EIF2AK1: variants seen among roughly 807,000 people sequenced by gnomAD.
EIF2AK1 encodes the protein eukaryotic translation initiation factor 2-alpha kinase 1.
Under a neutral mutation model 77.9 loss-of-function variants are expected in EIF2AK1, and 54 were observed. The ratio of observed to expected loss-of-function variants is 0.69; its 90% CI spans 0.56 to 0.87. The LOEUF (loss-of-function observed/expected upper bound fraction) is 0.87, where lower values mean the gene tolerates loss of function less well. Ranked by LOEUF, EIF2AK1 falls within the 40% of genes least tolerant of loss-of-function variation. EIF2AK1 has a pLI of 0.00. For synonymous variants in EIF2AK1, 314 were observed against 290.5 expected (o/e 1.08, Z -0.82); for missense variants, 810 against 768.6 (o/e 1.05, Z -0.64).
In EIF2AK1 at chr7:6,024,015, G is replaced by C; in HGVS notation, c.*658C>G. 7.5e-7 allele frequency: 1 copy of C among 1,329,222 alleles called. No individual in the cohort carries two copies. The highest frequency in any genetic ancestry group is 9.8e-7 in the Non-Finnish European group (1 of 1,016,112). 82.3% of individuals were successfully genotyped at this position (1,329,222 alleles called of 1,614,324 possible). On this transcript the variant is annotated 3_prime_UTR_variant, in exon 15 of 15. Coordinates refer to ENST00000199389, the MANE Select transcript of EIF2AK1 (RefSeq NM_014413.4). The stretch of plus-strand genomic sequence containing the variant: ...ATAAAGGAGGAAGTACCGGGGAACA[G>C]TGCAGGGCAAAGGCAGGAAAGAGAT...
At chr7:6,058,873 G>A (rs770839535) in intron 1 of EIF2AK1, 93 bp downstream of exon 1, 47 of 1,178,470 alleles carry the variant, frequency 4.0e-5, no homozygotes, top group Non-Finnish European at 5.0e-5. Flanking sequence ...AAGTCGCCCA[G>A]GTCCTCAGGC....
intron 2 of EIF2AK1, among the ~76,000 whole-genome samples, chr7:6,050,967 C>G (rs1386276270): frequency 1.3e-5 from 2 of 151,976 alleles, no homozygotes; most frequent in Non-Finnish European, 2.9e-5. Flanking sequence ...AAGTACTAAG[C>G]CATTTCTAAA....
intron 2 of EIF2AK1, among the ~76,000 whole-genome samples, chr7:6,051,216 C>T (rs1788599373): frequency 1.3e-5 from 2 of 151,948 alleles, no homozygotes; most frequent in Non-Finnish European, 2.9e-5. Context: ...ACAAAGGTGC[C>T]TTGGCTCCTA....
chr7:6,045,684 T>C (rs1057339178), intron 6 of EIF2AK1, among the ~76,000 whole-genome samples: 2 of 150,356 alleles, frequency 1.3e-5, no homozygotes, highest in Non-Finnish European at 3.0e-5. Flanking sequence ...CATAACTAGC[T>C]ATATTATATA....
At chr7:6,056,613 A>AAAAAAAAAAAATATATATATATAT in intron 1 of EIF2AK1, among the ~76,000 whole-genome samples, 4 of 43,712 alleles carry the variant, frequency 9.2e-5, no homozygotes, top group African/African-American at 1.6e-4. Flanking sequence ...AAAAAAAAAA[A>AAAAAAAAAAAATATATATATATAT]ATATATATAT....
chr7:6,042,567 C>G (rs1474504907), intron 8 of EIF2AK1, among the ~76,000 whole-genome samples: 1 of 151,724 alleles, frequency 6.6e-6, no homozygotes, highest in Non-Finnish European at 1.5e-5. Context: ...TAGCAAAAGA[C>G]AAAGATAGCC....
intron 1 of EIF2AK1, among the ~76,000 whole-genome samples, chr7:6,056,628 A>ATATATATATATATATATATATG (rs749747260): frequency 0.012 from 877 of 75,072 alleles, 21 homozygotes; most frequent in Middle Eastern, 0.03. Context: ...ATATATATAT[A>ATATATATATATATATATATATG]TATATATAAA....
In EIF2AK1 at chr7:6,032,912, G is replaced by C; in HGVS notation, c.1333-3880C>G. ...GCCCAGAGTCTGCTCTGCCTGTTACGGCACGGTGCTGACCCAGAAGTCAGG... is the reference window on the plus strand; with the variant it reads ...GCCCAGAGTCTGCTCTGCCTGTTACCGCACGGTGCTGACCCAGAAGTCAGG... On this transcript the variant is annotated intron_variant, in intron 11 of 14. Coordinates refer to ENST00000199389, the MANE Select transcript of EIF2AK1 (RefSeq NM_014413.4). The surrounding 1 kb of genome is among the most constrained non-coding windows in gnomAD (Gnocchi z 4.3). 2 of 1,550,796 alleles carry C rather than the reference G, an allele frequency of 1.3e-6. No homozygotes were observed. The highest frequency in any genetic ancestry group is 8.7e-7 in the Non-Finnish European group (1 of 1,146,926).
intron 6 of EIF2AK1, 42 bp from the exon 7 acceptor site, chr7:6,044,703 T>A: frequency 6.4e-7 from 1 of 1,557,512 alleles, no homozygotes; most frequent in Non-Finnish European, 8.8e-7. Context: ...TGCTGATAAC[T>A]TGTTAAATGT....
chr7:6,029,258 G>A (rs1430056760), intron 11 of EIF2AK1, among the ~76,000 whole-genome samples: 4 of 152,228 alleles, frequency 2.6e-5, no homozygotes, highest in African/African-American at 9.6e-5. Context: ...CCAGCACTTT[G>A]GGAGACTGAG....
In EIF2AK1 at chr7:6,032,727, T is replaced by C. The variant is rs557559430; in HGVS notation, c.1333-3695A>G. 2.6e-4 allele frequency: 204 copies of C among 773,334 alleles called. 1 individual carries two copies. The highest frequency in any genetic ancestry group is 8.2e-6 in the Non-Finnish European group (4 of 490,538). The allele number at this position is 773,334 out of a possible 1,614,324, so 47.9% of individuals were successfully genotyped here. ...TTCAATGCACATACCAGAAAAAGAG[T>C]GAGCCAATGAGACACTAAATAAATG... is the stretch of plus-strand genomic sequence containing the variant. On this transcript the variant is annotated intron_variant, in intron 11 of 14. Transcript: ENST00000199389. This position sits in a 1 kb window ranked among gnomAD's most constrained non-coding sequence, Gnocchi z 4.3.
At chr7:6,058,208 G>C (rs1458546689) in intron 1 of EIF2AK1, 6 of 453,494 alleles carry the variant, frequency 1.3e-5, no homozygotes, top group African/African-American at 4.0e-5. Context: ...CCAGGCGTTC[G>C]AGACCAGCCT....
chr7:6,056,598 GAA>G (rs1181376161), intron 1 of EIF2AK1, among the ~76,000 whole-genome samples: 2 of 48,822 alleles, frequency 4.1e-5, no homozygotes, highest in Admixed American at 2.5e-4. Context: ...CATCTCAAGG[GAA>G]AAAAAAAAAA....
rs931408634 is a variant in EIF2AK1, at chr7:6,033,403, C to A, written c.1332+4021G>T. ...ATGTCTTTACTGAGTAGATGAGATA[C>A]TCTGAAAAACTGAGAAAAATGCAAC... On this transcript the variant is annotated intron_variant, in intron 11 of 14. Transcript: ENST00000199389. This position sits in a 1 kb window ranked among gnomAD's most constrained non-coding sequence, Gnocchi z 4.4. 6.6e-6 allele frequency among the ~76,000 whole-genome samples: 1 copy of A among 152,034 alleles called. No homozygotes were observed. The highest frequency in any genetic ancestry group is 2.1e-4 in the South Asian group (1 of 4,828).
intron 14 of EIF2AK1, chr7:6,026,333 T>C (rs1402517498): frequency 4.9e-6 from 2 of 412,038 alleles, no homozygotes; most frequent in Non-Finnish European, 1.0e-5. Context: ...GAGTTTGACC[T>C]GGACATCTAA....
At chr7:6,045,555 C>G (rs1788423212) in intron 6 of EIF2AK1, among the ~76,000 whole-genome samples, 3 of 152,060 alleles carry the variant, frequency 2.0e-5, no homozygotes, top group East Asian at 3.9e-4. Context: ...AGTAAAATCA[C>G]TACCGTCACT....
Position 6,038,662 on chromosome 7 carries a change from G to A in EIF2AK1, c.1129C>T (p.His377Tyr), listed in dbSNP as rs1457017701. The A allele has an allele frequency of 6.2e-7, 1 of 1,610,782 alleles. No individual in the cohort carries two copies. Among genetic ancestry groups the A allele is most frequent in the Non-Finnish European group, 8.5e-7 (1 of 1,178,484 alleles). The change falls in exon 10 of 15, where the codon CAC becomes TAC. Residue 377 changes from histidine (H) to tyrosine (Y), a missense_variant. His to Tyr is a moderately conservative substitution (Grantham distance 83, BLOSUM62 2). Transcript: ENST00000199389. Reference protein sequence around the residue: ...NFLGQTEAQYHLMLHIQMQLC... With the variant: ...NFLGQTEAQYYLMLHIQMQLC... ...TGCATCTGGATGTGCAGCATCAGGTGGTACTGTGCCTAGGAGAGGACACAG... is the reference window on the plus strand; with the variant it reads ...TGCATCTGGATGTGCAGCATCAGGTAGTACTGTGCCTAGGAGAGGACACAG...
intron 12 of EIF2AK1, 97 bp downstream of exon 12, chr7:6,028,821 C>A (rs1476187972): frequency 6.4e-6 from 9 of 1,400,944 alleles, no homozygotes; most frequent in Non-Finnish European, 9.0e-6. Context: ...TTTATCTTAC[C>A]TTTGCTATTA....
At position 6,044,056 on chromosome 7, in the gene EIF2AK1, G is replaced by A. The variant is rs193166894; in HGVS notation, c.730+506C>T. Among the ~76,000 whole-genome samples the A allele has an allele frequency of 1.7e-3, 256 of 151,078 alleles. 2 individuals are homozygous for A. Among genetic ancestry groups the A allele is most frequent in the African/African-American group, 5.1e-3 (211 of 41,182 alleles). ...AGAGGTTGCAGTGAGCAAAGATCGC[G>A]CCACTACACTCCAGCCTGGGTGACA... is the stretch of plus-strand genomic sequence containing the variant. On this transcript the variant is annotated intron_variant, in intron 7 of 14. Transcript: ENST00000199389.
Sources: gnomAD v4.1 joint callset for allele counts (sites outside exome capture counted in the v4.1 genomes callset) on GRCh38, gnomAD v4.1.1 for gene constraint, Gnocchi (gnomAD v3.1) non-coding constraint, MANE v1.5 for transcripts, NCBI Gene and HGNC (gene_info 2026-07-23, HGNC 2026-07-21) for gene names.